Variants in ERI3 observed in about 807,000 individuals in gnomAD.
The protein encoded by ERI3 is ERI1 exoribonuclease family member 3, also known as ERI1 exoribonuclease 3.
A neutral mutation model predicts 44.4 loss-of-function variants in ERI3; 18 were observed. The ratio of observed to expected loss-of-function variants is 0.41; its 90% CI spans 0.28 to 0.60. The LOEUF (loss-of-function observed/expected upper bound fraction) is 0.60. ERI3 is among the 20% of genes least tolerant of loss of function. ERI3 has a pLI of 0.36. For missense variants in ERI3, 294 were observed against 435.5 expected (o/e 0.68, Z 2.89); for synonymous variants, 183 against 164.8 (o/e 1.11, Z -0.84).
chr1:44,230,542 T>C (rs1644156390), intron 8 of ERI3: 1 of 152,280 alleles, frequency 6.6e-6, no homozygotes. Context: ...CCAGGACAGA[T>C]TCTTTGCAAA....
chr1:44,308,020 C>A (rs1645876299), intron 6 of ERI3, among the ~76,000 whole-genome samples: 3 of 152,196 alleles, frequency 2.0e-5, no homozygotes, highest in Admixed American at 6.5e-5. Flanking sequence ...TTTAACTCCT[C>A]CCTTCCAGGG....
chr1:44,314,151 G>GT (rs1161227361), intron 4 of ERI3, among the ~76,000 whole-genome samples: 2 of 109,630 alleles, frequency 1.8e-5, no homozygotes, highest in Non-Finnish European at 4.2e-5. Flanking sequence ...TTTAAAGTGT[G>GT]TTGGGGGGGG....
chr1:44,272,058 C>A (rs1482802903), intron 7 of ERI3, among the ~76,000 whole-genome samples: 1 of 151,816 alleles, frequency 6.6e-6, no homozygotes, highest in Non-Finnish European at 1.5e-5. Context: ...ATAGCCTAGT[C>A]ATCTCATCTC....
chr1:44,265,599 C>T lies in ERI3; in HGVS notation c.832-17561G>A, dbSNP rs141352203. Among the ~76,000 whole-genome samples the T allele has an allele frequency of 5.3e-5, 8 of 151,360 alleles. No homozygotes were observed. The East Asian group carries it at 1.6e-3, about 29-fold the overall frequency. ...CAAAGTGAACTCGCACATGAATGTT[C>T]ATAACAGCCAAAAAGTAGAAACAAC... On this transcript the variant is annotated intron_variant, in intron 7 of 8. Coordinates refer to ENST00000372257, the MANE Select transcript of ERI3 (RefSeq NM_024066.3).
intron 1 of ERI3, chr1:44,353,884 C>T: frequency 1.0e-6 from 1 of 985,378 alleles, no homozygotes; most frequent in South Asian, 4.7e-5. Context: ...TCCCTTCCCC[C>T]AACCCCCACC....
At chr1:44,342,857 A>ATATATAT (rs1646709018) in intron 2 of ERI3, among the ~76,000 whole-genome samples, 1 of 19,174 alleles carries the variant, frequency 5.2e-5, no homozygotes, top group African/African-American at 2.0e-4. Context: ...ATATATATAT[A>ATATATAT]TTTTTTTTTT....
rs969157034 is a variant in ERI3, at chr1:44,236,796, A to G, written c.931+11143T>C. 4.6e-5 allele frequency among the ~76,000 whole-genome samples: 7 copies of G among 152,164 alleles called. No homozygotes were observed. In the East Asian group the frequency reaches 9.6e-4, roughly 21 times the overall value. On this transcript the variant is annotated intron_variant, in intron 8 of 8. Transcript: ENST00000372257. Reference sequence around the variant, plus strand: ...TCAGAGTGGGGACACTCTTCCGCCAAAATGATCAAGCTGTCCTGATGGGTC... The same window carrying G: ...TCAGAGTGGGGACACTCTTCCGCCAGAATGATCAAGCTGTCCTGATGGGTC...
chr1:44,354,686 A>G, intron 1 of ERI3: 1 of 984,968 alleles, frequency 1.0e-6, no homozygotes, highest in Non-Finnish European at 1.2e-6. Flanking sequence ...CAGTAAGTCA[A>G]CCCCCTTAAT....
At chr1:44,341,208 A>G (rs936181553) in intron 2 of ERI3, among the ~76,000 whole-genome samples, 7 of 152,208 alleles carry the variant, frequency 4.6e-5, no homozygotes, top group African/African-American at 1.7e-4. Flanking sequence ...TACCCATGGC[A>G]CCTTGGGCAT....
At chr1:44,330,832 T>C (rs1236892707) in intron 3 of ERI3, among the ~76,000 whole-genome samples, 3 of 152,180 alleles carry the variant, frequency 2.0e-5, no homozygotes, top group African/African-American at 7.2e-5. Context: ...TTAATCAAAA[T>C]GATGCAAGAT....
chr1:44,280,376 A>G (rs750655295), intron 7 of ERI3, among the ~76,000 whole-genome samples: 50 of 152,318 alleles, frequency 3.3e-4, no homozygotes, highest in South Asian at 4.1e-4. Flanking sequence ...CCATTTCTCT[A>G]CATTTCCACT....
At chr1:44,345,458 C>T (rs1226111404) in intron 2 of ERI3, among the ~76,000 whole-genome samples, 1 of 152,200 alleles carries the variant, frequency 6.6e-6, no homozygotes, top group African/African-American at 2.4e-5. Flanking sequence ...TTACCTGCAA[C>T]AGGTTCTGAG....
chr1:44,335,409 TG>T (rs1646513956), intron 3 of ERI3, among the ~76,000 whole-genome samples: 2 of 149,944 alleles, frequency 1.3e-5, no homozygotes, highest in Middle Eastern at 3.6e-3. Context: ...GAGAGGAGCC[TG>T]GATGGTTCTC....
intron 4 of ERI3, among the ~76,000 whole-genome samples, chr1:44,317,656 A>G (rs1646118916): frequency 6.6e-6 from 1 of 152,124 alleles, no homozygotes; most frequent in Admixed American, 6.5e-5. Flanking sequence ...AAATAATTAT[A>G]GTATAAAGTA....
intron 7 of ERI3, among the ~76,000 whole-genome samples, chr1:44,267,699 G>A (rs1254833780): frequency 6.6e-6 from 1 of 152,246 alleles, no homozygotes; most frequent in Non-Finnish European, 1.5e-5. Context: ...CCAAGTAGGT[G>A]CCAAGCCCAG....
intron 6 of ERI3, among the ~76,000 whole-genome samples, chr1:44,295,981 A>G (rs1645602312): frequency 2.6e-5 from 4 of 152,162 alleles, no homozygotes; most frequent in African/African-American, 9.7e-5. Flanking sequence ...CCATCAACCA[A>G]GCCTACTGCG....
intron 8 of ERI3, among the ~76,000 whole-genome samples, chr1:44,236,471 A>G (rs768011908): frequency 6.6e-6 from 1 of 152,182 alleles, no homozygotes; most frequent in Non-Finnish European, 1.5e-5. Flanking sequence ...GGGGGACTTG[A>G]TCAAGTCTAG....
At chr1:44,307,951 T>C (rs1026429242) in intron 6 of ERI3, among the ~76,000 whole-genome samples, 1 of 152,246 alleles carries the variant, frequency 6.6e-6, no homozygotes, top group African/African-American at 2.4e-5. Context: ...TAAGTTACTA[T>C]ATTTAATTAC....
intron 7 of ERI3, among the ~76,000 whole-genome samples, chr1:44,274,843 C>T (rs1178002059): frequency 6.6e-6 from 1 of 152,200 alleles, no homozygotes; most frequent in African/African-American, 2.4e-5. Flanking sequence ...CATGCCTGTG[C>T]TCACACCTCT....
Sources: gnomAD v4.1 joint callset for allele counts (sites outside exome capture counted in the v4.1 genomes callset) on GRCh38, gnomAD v4.1.1 for gene constraint, MANE v1.5 for transcripts, NCBI Gene and HGNC (gene_info 2026-07-23, HGNC 2026-07-21) for gene names.